The following DPF2 variants were observed in gnomAD, a reference collection of about 807,000 sequenced individuals.
The protein encoded by DPF2 is double PHD fingers 2.
A neutral mutation model predicts 59.6 loss-of-function variants in DPF2; 10 were observed. The observed-to-expected ratio is 0.17, with a 90% CI of 0.10 to 0.28. The LOEUF (loss-of-function observed/expected upper bound fraction) is 0.28. Ranked by LOEUF, DPF2 falls within the 10% of genes least tolerant of loss-of-function variation. The pLI, the probability that DPF2 is intolerant of heterozygous loss-of-function variation, is 1.00. For synonymous variants in DPF2, 189 were observed against 190.6 expected, an observed-to-expected ratio of 0.99 and a Z score of 0.07; for missense variants, 315 against 509.4, an observed-to-expected ratio of 0.62 and a Z score of 3.67.
intron 6 of DPF2, chr11:65,344,304 T>C: frequency 1.6e-6 from 1 of 618,078 alleles, no homozygotes; most frequent in Non-Finnish European, 2.8e-6. Flanking sequence ...GTAGGGTTGC[T>C]TGTGGGGGCC....
intron 3 of DPF2, 113 bp from the exon 4 acceptor site, chr11:65,341,286 T>C: frequency 6.8e-7 from 1 of 1,476,536 alleles, no homozygotes; most frequent in Non-Finnish European, 9.2e-7. Flanking sequence ...TTCCTGGGCG[T>C]GCAGAGAACA....
At position 65,348,578 on chromosome 11, in the gene DPF2, C is replaced by CA. The variant is rs201339411; in HGVS notation, c.1018-265dup. On this transcript the variant is annotated intron_variant, in intron 9 of 10. Coordinates refer to ENST00000528416, the MANE Select transcript of DPF2 (RefSeq NM_006268.5). ...CCTGAGTGACAGCAATACCCTGTCT[C>CA]AAAAAAATATACCATAGAGCTTGGG... 2,479 of 329,670 alleles carry CA rather than the reference C, an allele frequency of 7.5e-3. 64 individuals carry two copies. The highest frequency in any genetic ancestry group is 0.065 in the African/African-American group (2,232 of 34,180). 20.4% of individuals were successfully genotyped at this position (329,670 alleles called of 1,614,324 possible).
At chr11:65,337,178 G>A (rs369476069) in intron 1 of DPF2, among the ~76,000 whole-genome samples, 6 of 151,586 alleles carry the variant, frequency 4.0e-5, no homozygotes, top group Non-Finnish European at 7.4e-5. Context: ...GAGGCAGGGC[G>A]CGGTGGCTTA....
intron 8 of DPF2, 66 bp downstream of exon 8, chr11:65,346,124 TAGGGCTGTCATAACC>T (rs755653992): frequency 1.9e-5 from 31 of 1,606,644 alleles, no homozygotes; most frequent in Admixed American, 6.7e-5. Context: ...TGCTGGCCTC[TAGGGCTGTCATAACC>T]AGCCCACCTC....
chr11:65,351,739 C>A lies in DPF2; in HGVS notation c.1156C>A (p.Gln386Lys). 6.2e-7 allele frequency: 1 copy of A among 1,613,396 alleles called. No homozygotes were observed. The highest frequency in any genetic ancestry group is 8.5e-7 in the Non-Finnish European group (1 of 1,180,034). The change falls in exon 11 of 11, where the codon CAG (glutamine) becomes AAG (lysine). Residue 386 changes from glutamine to lysine, a missense_variant. Around this residue, in one of 4 missense-constraint regions of DPF2, gnomAD observed 27 missense variants for 125.8 expected, o/e 0.21. Coordinates refer to ENST00000528416, the MANE Select transcript of DPF2 (RefSeq NM_006268.5). ...GTTGAAAGAGAAAGCTTCCATCTAC[C>A]AGAACCAGAACTCCTCTTGATGTGG... Reference protein sequence around the residue: ...DLLKEKASIYQNQNSS With the variant: ...DLLKEKASIYKNQNSS
chr11:65,354,101 G>C lies in DPF2; in HGVS notation c.*2342G>C, dbSNP rs934492006. ...AGGCAGAGGATGCGGAGCTGTGAGCGGAGGGAGCAGCGAGGCTGGAGAGCA... is the reference window on the plus strand; with the variant it reads ...AGGCAGAGGATGCGGAGCTGTGAGCCGAGGGAGCAGCGAGGCTGGAGAGCA... On this transcript the variant is annotated 3_prime_UTR_variant, in exon 11 of 11. Transcript: ENST00000528416. 6.6e-6 allele frequency among the ~76,000 whole-genome samples: 1 copy of C among 152,220 alleles called. No homozygotes were observed.
rs149069343 is a variant in DPF2, at chr11:65,351,001, G to A, written c.1100-682G>A. Among the ~76,000 whole-genome samples the A allele has an allele frequency of 1.3e-4, 19 of 151,332 alleles. No homozygotes were observed. The East Asian group carries it at 3.7e-3, about 29-fold the overall frequency. ...GTCTCAGAAAAAAAAAAAATAAAGG[G>A]AGTTAAAAAAAAAATGCATGAGACT... On this transcript the variant is annotated intron_variant, in intron 10 of 10. Coordinates refer to ENST00000528416, the MANE Select transcript of DPF2 (RefSeq NM_006268.5).
chr11:65,340,274 C>G, intron 1 of DPF2, 111 bp from the exon 2 acceptor site: 1 of 1,281,702 alleles, frequency 7.8e-7, no homozygotes, highest in East Asian at 2.4e-5. Flanking sequence ...GAAGAGACAG[C>G]CACCCAGTCC....
rs1481723804 is a variant in DPF2, at chr11:65,346,368, C to T, written c.1017+9C>T. On this transcript the variant is annotated intron_variant, in intron 9 of 10. Coordinates refer to ENST00000528416, the MANE Select transcript of DPF2 (RefSeq NM_006268.5). ...GCACCTCCGAGAATGACGTGTGTAT[C>T]CCCGCCCCCTCCTCAGCATGGCTCC... 1.2e-6 allele frequency: 2 copies of T among 1,608,764 alleles called. No individual in the cohort carries two copies. Among genetic ancestry groups the T allele is most frequent in the East Asian group, 2.2e-5 (1 of 44,852 alleles).
chr11:65,333,915 A>G lies in DPF2; in HGVS notation c.29A>G (p.Lys10Arg). The change falls in exon 1 of 11, where the codon AAG becomes AGG. Residue 10 changes from lysine to arginine, a missense_variant. Coordinates refer to ENST00000528416, the MANE Select transcript of DPF2 (RefSeq NM_006268.5). ...GCGGCTGTGGTGGAGAATGTAGTGA[A>G]GCTGTGAGTGGTCGTTTCTTTCTCT... MAAVVENVVKLLGEQYYKDA... is the reference protein window; with the variant it reads MAAVVENVVRLLGEQYYKDA... 6.2e-7 allele frequency: 1 copy of G among 1,613,904 alleles called. No homozygotes were observed. Among genetic ancestry groups the G allele is most frequent in the Non-Finnish European group, 8.5e-7 (1 of 1,179,900 alleles).
At position 65,344,080 on chromosome 11, in the gene DPF2, C is replaced by T; in HGVS notation, c.637+11C>T. The T allele has an allele frequency of 6.2e-7, 1 of 1,614,020 alleles. No individual in the cohort carries two copies. The highest frequency in any genetic ancestry group is 1.1e-5 in the South Asian group (1 of 91,036). ...CCTATGCCTGTGACAGTGAGTGCCT[C>T]ACAAGTGGGTGGGTAGACCTTGCCT... On this transcript the variant is annotated intron_variant, in intron 6 of 10. Transcript: ENST00000528416.
At chr11:65,350,117 CAG>C (rs1854649845) in intron 10 of DPF2, among the ~76,000 whole-genome samples, 1 of 152,154 alleles carries the variant, frequency 6.6e-6, no homozygotes, top group Admixed American at 6.5e-5. Flanking sequence ...AACCATCAAA[CAG>C]ATGATCTATG....
At chr11:65,350,127 A>G (rs570483908) in intron 10 of DPF2, among the ~76,000 whole-genome samples, 25 of 152,204 alleles carry the variant, frequency 1.6e-4, no homozygotes, top group Middle Eastern at 3.4e-3. Context: ...CAGATGATCT[A>G]TGTTACAGAA....
Position 65,340,304 on chromosome 11 carries a change from C to G in DPF2, c.33-81C>G, listed in dbSNP as rs769629970. The G allele has an allele frequency of 1.1e-5, 17 of 1,500,224 alleles. 1 individual carries two copies. The South Asian group carries it at 2.2e-4, about 19-fold the overall frequency. 92.9% of individuals were successfully genotyped at this position (1,500,224 alleles called of 1,614,324 possible). On this transcript the variant is annotated intron_variant, in intron 1 of 10. Transcript: ENST00000528416. The stretch of plus-strand genomic sequence containing the variant: ...CAGTCCCTTGAGCCTTCTAGAGAAG[C>G]AGATGGCAGGGGAGAGGAATAGCTC...
intron 6 of DPF2, chr11:65,344,816 C>A (rs964053067): frequency 2.0e-4 from 128 of 631,822 alleles, no homozygotes; most frequent in Middle Eastern, 3.3e-4. Context: ...GCTTGTTTCC[C>A]ACAAACCTGC....
chr11:65,341,115 T>C, intron 3 of DPF2, 42 bp downstream of exon 3: 2 of 1,586,566 alleles, frequency 1.3e-6, no homozygotes, highest in Non-Finnish European at 1.7e-6. Context: ...GCCTGCTGCA[T>C]GGTGAGAGCC....
At chr11:65,351,029 A>G (rs986623905) in intron 10 of DPF2, among the ~76,000 whole-genome samples, 3 of 151,944 alleles carry the variant, frequency 2.0e-5, no homozygotes, top group African/African-American at 7.3e-5. Flanking sequence ...ATGAGACTGT[A>G]TGTGGCTCAC....
At chr11:65,350,995 TAAAG>T (rs1854681173) in intron 10 of DPF2, among the ~76,000 whole-genome samples, 1 of 146,936 alleles carries the variant, frequency 6.8e-6, no homozygotes, top group African/African-American at 2.5e-5. Context: ...AAAAAAAAAA[TAAAG>T]GGAGTTAAAA....
At chr11:65,350,434 G>A (rs1854662812) in intron 10 of DPF2, among the ~76,000 whole-genome samples, 1 of 147,886 alleles carries the variant, frequency 6.8e-6, no homozygotes, top group South Asian at 2.1e-4. Flanking sequence ...GAGTGGAGTG[G>A]CATGATCTCA....
Sources: gnomAD v4.1 joint callset for allele counts (sites outside exome capture counted in the v4.1 genomes callset) on GRCh38, gnomAD v4.1.1 for gene constraint, gnomAD v4.1.1 regional missense constraint, MANE v1.5 for transcripts, NCBI Gene and HGNC (gene_info 2026-07-23, HGNC 2026-07-21) for gene names.